FRMPD4: variants seen among roughly 807,000 people sequenced by gnomAD.
FRMPD4 encodes the protein FERM and PDZ domain containing 4.
A neutral mutation model predicts 94.1 loss-of-function variants in FRMPD4; 22 were observed. The ratio of observed to expected loss-of-function variants is 0.23; its 90% confidence interval spans 0.17 to 0.33. FRMPD4 has a LOEUF of 0.33. FRMPD4 is among the 10% of genes least tolerant of loss of function. The pLI is 1.00. For synonymous variants in FRMPD4, 631 were observed against 548.6 expected (o/e 1.15, Z -2.10); for missense variants, 1,111 against 1,339.9 (o/e 0.83, Z 2.67).
chrX:11,840,705 G>T (rs1044346246), intron 1 of FRMPD4, among the ~76,000 whole-genome samples: 1 of 103,557 alleles, frequency 9.7e-6, no homozygotes, highest in Non-Finnish European at 2.0e-5. Context: ...AGGTAAGGAA[G>T]TTCCTTTATA....
At chrX:12,217,747 T>C (rs918029793) in intron 1 of FRMPD4, among the ~76,000 whole-genome samples, 4 of 112,230 alleles carry the variant, frequency 3.6e-5, no homozygotes, top group African/African-American at 1.3e-4. Context: ...TGCCCATTCA[T>C]TTACATGTTG....
At chrX:12,682,723 C>T (rs987426497) in intron 5 of FRMPD4, among the ~76,000 whole-genome samples, 1 of 112,029 alleles carries the variant, frequency 8.9e-6, no homozygotes, top group African/African-American at 3.2e-5. Flanking sequence ...CCCTTCTAGG[C>T]AGGTTCTCCC....
intron 1 of FRMPD4, among the ~76,000 whole-genome samples, chrX:12,146,074 A>G (rs948861855): frequency 3.6e-5 from 4 of 110,479 alleles, no homozygotes; most frequent in African/African-American, 1.3e-4. Context: ...TGAGAACTGT[A>G]TTTCTCGGGC....
At chrX:12,620,536 G>A (rs1406425694) in intron 4 of FRMPD4, among the ~76,000 whole-genome samples, 4 of 112,286 alleles carry the variant, frequency 3.6e-5, no homozygotes, top group African/African-American at 1.3e-4. Context: ...CCGATGATCT[G>A]TGGAACCTTG....
chrX:12,690,426 T>C (rs1169535057), intron 8 of FRMPD4, 100 bp downstream of exon 8: 1 of 709,190 alleles, frequency 1.4e-6, no homozygotes, highest in East Asian at 3.4e-5. Flanking sequence ...AATGTATTAA[T>C]TGTATCCCTG....
chrX:12,190,510 A>G (rs1298389950), intron 1 of FRMPD4, among the ~76,000 whole-genome samples: 1 of 110,487 alleles, frequency 9.1e-6, no homozygotes, highest in Non-Finnish European at 1.9e-5. Flanking sequence ...AGTAATCAAG[A>G]CATTGTGGTG....
chrX:12,084,930 A>T (rs1340137056), intron 3 of FRMPD4, among the ~76,000 whole-genome samples: 7 of 112,302 alleles, frequency 6.2e-5, no homozygotes, highest in Non-Finnish European at 5.6e-5. Context: ...TGGGGAAAAG[A>T]CAGTTGTTTG....
intron 1 of FRMPD4, among the ~76,000 whole-genome samples, chrX:12,157,044 T>A (rs1322215661): frequency 2.7e-5 from 3 of 111,845 alleles, no homozygotes; most frequent in Non-Finnish European, 3.8e-5. Flanking sequence ...TACTCTGATT[T>A]ATTTGACCAA....
intron 1 of FRMPD4, among the ~76,000 whole-genome samples, chrX:12,425,699 C>T (rs150190080): frequency 3.0e-4 from 33 of 111,682 alleles, no homozygotes; most frequent in Middle Eastern, 4.6e-3. Flanking sequence ...ACAATGCATG[C>T]GGCAACTCCC....
At chrX:11,858,413 G>A (rs189527477) in intron 1 of FRMPD4, among the ~76,000 whole-genome samples, 12 of 111,104 alleles carry the variant, frequency 1.1e-4, no homozygotes, top group African/African-American at 3.3e-4. Flanking sequence ...GGACATGGAT[G>A]GAGCTGAAGG....
At chrX:11,833,455 C>T (rs779681342) in intron 1 of FRMPD4, among the ~76,000 whole-genome samples, 17 of 111,697 alleles carry the variant, frequency 1.5e-4, no homozygotes, top group Non-Finnish European at 2.1e-4. Flanking sequence ...TTTTTCATTC[C>T]GACCAGTAAG....
intron 2 of FRMPD4, among the ~76,000 whole-genome samples, chrX:12,551,151 CTT>C (rs1229115266): frequency 9.1e-6 from 1 of 110,235 alleles, no homozygotes; most frequent in Non-Finnish European, 1.9e-5. Flanking sequence ...TTAGAAATAA[CTT>C]TTGACTTTGA....
chrX:12,472,732 A>C (rs1457961151), intron 1 of FRMPD4, among the ~76,000 whole-genome samples: 1 of 111,904 alleles, frequency 8.9e-6, no homozygotes, highest in Non-Finnish European at 1.9e-5. Flanking sequence ...GATCGAATGA[A>C]TGAAATGAAG....
At chrX:12,475,665 A>T (rs148064999) in intron 1 of FRMPD4, among the ~76,000 whole-genome samples, 18,085 of 111,288 alleles carry the variant, frequency 0.16, 1,146 homozygotes, top group African/African-American at 0.2. Flanking sequence ...CTTATACACC[A>T]ATAACAGACA....
At chrX:12,378,005 G>A (rs374265710) in intron 1 of FRMPD4, among the ~76,000 whole-genome samples, 48 of 112,385 alleles carry the variant, frequency 4.3e-4, no homozygotes, top group African/African-American at 1.2e-3. Context: ...GCTATCGGTC[G>A]CGTTCTCTGC....
intron 4 of FRMPD4, among the ~76,000 whole-genome samples, chrX:12,668,398 T>C (rs762139518): frequency 9.0e-6 from 1 of 111,358 alleles, no homozygotes; most frequent in East Asian, 2.8e-4. Flanking sequence ...ATTCATTAAA[T>C]AGTAAAATTA....
intron 16 of FRMPD4, among the ~76,000 whole-genome samples, chrX:12,720,049 GGAAAGAAAGAAAGAAA>G (rs199713463): frequency 2.5e-5 from 1 of 39,583 alleles, no homozygotes; most frequent in Admixed American, 2.5e-4. Context: ...GGAAAGGAAA[GGAAAGAAAGAAAGAAA>G]GAAAGAAAGA....
intron 3 of FRMPD4, among the ~76,000 whole-genome samples, chrX:12,055,656 G>T (rs2054849884): frequency 9.0e-6 from 1 of 111,705 alleles, no homozygotes; most frequent in Admixed American, 9.5e-5. Flanking sequence ...CCTAACATGT[G>T]GCTAGAGGAA....
intron 1 of FRMPD4, among the ~76,000 whole-genome samples, chrX:12,229,298 G>A (rs1197861266): frequency 9.0e-6 from 1 of 111,714 alleles, no homozygotes; most frequent in Non-Finnish European, 1.9e-5. Flanking sequence ...TTCAATTCTG[G>A]ATCCACTGTG....
Sources: allele counts gnomAD v4.1 joint callset (sites outside exome capture counted in the v4.1 genomes callset), GRCh38; gene constraint gnomAD v4.1.1; transcripts MANE v1.5; gene names NCBI Gene and HGNC (gene_info 2026-07-23, HGNC 2026-07-21).